DNM3: variants seen among roughly 807,000 people sequenced by gnomAD.
DNM3 encodes dynamin-3.
Under a neutral mutation model 101.6 loss-of-function variants are expected in DNM3, and 47 were observed. The ratio of observed to expected loss-of-function variants is 0.46; its 90% CI spans 0.37 to 0.59. DNM3 has a LOEUF of 0.59. DNM3 is among the 20% of genes least tolerant of loss of function. The pLI, the probability that DNM3 is intolerant of heterozygous loss-of-function variation, is 0.00. For missense variants in DNM3, 849 were observed against 1,085.7 expected, an observed-to-expected ratio of 0.78 and a Z score of 3.06; for synonymous variants, 385 against 387.9, an observed-to-expected ratio of 0.99 and a Z score of 0.09.
intron 14 of DNM3, among the ~76,000 whole-genome samples, chr1:172,253,163 T>C (rs1364207742): frequency 6.6e-6 from 1 of 152,084 alleles, no homozygotes; most frequent in Non-Finnish European, 1.5e-5. Flanking sequence ...AACATTTTTG[T>C]TAAATATTAA....
chr1:172,398,944 A>G (rs1253664850), intron 20 of DNM3, among the ~76,000 whole-genome samples: 1 of 152,072 alleles, frequency 6.6e-6, no homozygotes, highest in African/African-American at 2.4e-5. Context: ...TTGGTTGAAA[A>G]TTTCCTTCAT....
intron 20 of DNM3, among the ~76,000 whole-genome samples, chr1:172,405,415 A>G (rs978875): frequency 0.9 from 136,703 of 151,950 alleles, 61,575 homozygotes; most frequent in East Asian, 1. Flanking sequence ...AGAGGAAGTC[A>G]GGAAAACTAT....
chr1:172,186,204 A>ATATT (rs1371933612), intron 14 of DNM3, among the ~76,000 whole-genome samples: 1 of 152,052 alleles, frequency 6.6e-6, no homozygotes, highest in African/African-American at 2.4e-5. Flanking sequence ...CTTTGAAGTT[A>ATATT]TTTTTGCTTA....
At chr1:172,249,050 A>G (rs1291021945) in intron 14 of DNM3, among the ~76,000 whole-genome samples, 4 of 152,164 alleles carry the variant, frequency 2.6e-5, no homozygotes, top group Admixed American at 6.5e-5. Flanking sequence ...GAAACTCCCT[A>G]TGTATAAATT....
At chr1:171,893,987 C>G (rs2037531733) in intron 1 of DNM3, among the ~76,000 whole-genome samples, 1 of 152,020 alleles carries the variant, frequency 6.6e-6, no homozygotes, top group Admixed American at 6.6e-5. Context: ...CCACACCAAG[C>G]TAATTTTTGT....
intron 1 of DNM3, among the ~76,000 whole-genome samples, chr1:171,846,609 C>G (rs1341555126): frequency 6.6e-6 from 1 of 152,146 alleles, no homozygotes; most frequent in Non-Finnish European, 1.5e-5. Context: ...AGAGGGACTT[C>G]AAGTATCTAG....
At chr1:172,054,186 C>T (rs1050941482) in intron 10 of DNM3, among the ~76,000 whole-genome samples, 32 of 152,144 alleles carry the variant, frequency 2.1e-4, no homozygotes, top group Non-Finnish European at 4.1e-4. Context: ...ATGCTTTTTT[C>T]TTAAGCTGCA....
chr1:172,115,309 T>G (rs1466574341), intron 13 of DNM3, among the ~76,000 whole-genome samples: 3 of 152,104 alleles, frequency 2.0e-5, no homozygotes, highest in Non-Finnish European at 4.4e-5. Context: ...TGACCACTTC[T>G]CTCTCTGCCC....
At chr1:172,256,905 G>GT (rs5778728) in intron 15 of DNM3, among the ~76,000 whole-genome samples, 101,475 of 144,496 alleles carry the variant, frequency 0.7, 36,461 homozygotes, top group Admixed American at 0.8. Context: ...TCTTCATCAT[G>GT]TTTTTTTTTT....
At chr1:172,372,674 ATTTTT>A (rs71107346) in intron 17 of DNM3, among the ~76,000 whole-genome samples, 4 of 79,006 alleles carry the variant, frequency 5.1e-5, no homozygotes, top group African/African-American at 7.8e-5. Context: ...CTTGTAATTA[ATTTTT>A]TTTTTTTTTT....
At position 172,407,672 on chromosome 1, in the gene DNM3, G is replaced by A. The variant is rs997918800; in HGVS notation, c.2523-100G>A. ...TAACCACTTCTGCTGGCCTGTATGTGCATGAGCATGTGTGTAATGGCTCTT... is the reference window on the plus strand; with the variant it reads ...TAACCACTTCTGCTGGCCTGTATGTACATGAGCATGTGTGTAATGGCTCTT... On this transcript the variant is annotated intron_variant, in intron 20 of 20. Transcript: ENST00000627582. The A allele has an allele frequency of 7.6e-6, 9 of 1,189,596 alleles. No homozygotes were observed. The Admixed American group carries it at 1.2e-4, about 16-fold the overall frequency. The allele number at this position is 1,189,596 out of a possible 1,614,324, so 73.7% of individuals were successfully genotyped here.
At chr1:172,025,924 C>T (rs748430269) in intron 4 of DNM3, among the ~76,000 whole-genome samples, 6 of 151,990 alleles carry the variant, frequency 3.9e-5, no homozygotes, top group Non-Finnish European at 4.4e-5. Context: ...AACTCCTCGT[C>T]GGAAAGGGAA....
chr1:172,322,978 G>A (rs1363059438), intron 16 of DNM3, among the ~76,000 whole-genome samples: 1 of 152,136 alleles, frequency 6.6e-6, no homozygotes, highest in African/African-American at 2.4e-5. Flanking sequence ...CACGCTAACA[G>A]TTCACTTATT....
At chr1:172,373,197 A>C (rs2068435796) in intron 17 of DNM3, among the ~76,000 whole-genome samples, 1 of 152,090 alleles carries the variant, frequency 6.6e-6, no homozygotes, top group African/African-American at 2.4e-5. Flanking sequence ...GGACAATGTA[A>C]ATACATGCAG....
intron 1 of DNM3, among the ~76,000 whole-genome samples, chr1:171,893,099 T>G (rs2037444063): frequency 6.7e-6 from 1 of 149,874 alleles, no homozygotes; most frequent in Admixed American, 6.6e-5. Flanking sequence ...GTTACTTAGG[T>G]CAACTACCCT....
At chr1:172,347,935 C>A (rs1259543971) in intron 17 of DNM3, among the ~76,000 whole-genome samples, 1 of 151,632 alleles carries the variant, frequency 6.6e-6, no homozygotes, top group African/African-American at 2.4e-5. Flanking sequence ...CATGAATTGG[C>A]AATATAGGTA....
rs530547262 is a variant in DNM3 at position 172,376,934 on chromosome 1, A to G, written c.1894-2084A>G. 1.3e-3 allele frequency among the ~76,000 whole-genome samples: 204 copies of G among 152,194 alleles called. 1 individual carries two copies. Among genetic ancestry groups the G allele is most frequent in the Non-Finnish European group, 1.1e-3 (78 of 67,972 alleles). Reference sequence around the variant, plus strand: ...CTTATTTTGATATGCAAAAAAGTGAAGCATGGTTACATGTTAAGAAAGCTG... The same window carrying G: ...CTTATTTTGATATGCAAAAAAGTGAGGCATGGTTACATGTTAAGAAAGCTG... On this transcript the variant is annotated intron_variant, in intron 17 of 20. Transcript: ENST00000627582.
At chr1:172,306,585 A>G (rs1026864788) in intron 15 of DNM3, among the ~76,000 whole-genome samples, 1 of 152,190 alleles carries the variant, frequency 6.6e-6, no homozygotes, top group Non-Finnish European at 1.5e-5. Flanking sequence ...AATCCTAAGC[A>G]AAAAGAACAA....
Position 171,971,585 on chromosome 1 carries a change from G to T in DNM3, c.236-16071G>T, listed in dbSNP as rs111911120. ...GCAGATTTTCATATGGCCAGAAAAC[G>T]CCACTCCCAATTGAAAGGATATATT... On this transcript the variant is annotated intron_variant, in intron 2 of 20. Transcript: ENST00000627582. Among the ~76,000 whole-genome samples, 1,356 of 151,938 alleles carry T rather than the reference G, an allele frequency of 8.9e-3. 27 individuals are homozygous for T. The highest frequency in any genetic ancestry group is 0.031 in the African/African-American group (1,285 of 41,420).
Sources: gnomAD v4.1 joint callset for allele counts (sites outside exome capture counted in the v4.1 genomes callset) on GRCh38, gnomAD v4.1.1 for gene constraint, MANE v1.5 for transcripts, NCBI Gene and HGNC (gene_info 2026-07-23, HGNC 2026-07-21) for gene names.